The following BRAF variants were observed in gnomAD, a reference collection of about 807,000 sequenced individuals.
BRAF encodes B-Raf proto-oncogene, serine/threonine kinase.
BRAF carries 16 observed loss-of-function variants against 104.6 expected under a neutral mutation model. The observed-to-expected ratio is 0.15, with a 90% confidence interval of 0.10 to 0.23. The LOEUF (loss-of-function observed/expected upper bound fraction) is 0.23, where lower values mean the gene tolerates loss of function less well. BRAF is among the 10% of genes least tolerant of loss of function. The pLI is 1.00. For missense variants in BRAF, 541 were observed against 937.3 expected (o/e 0.58, Z 5.52); for synonymous variants, 310 against 341.6 (o/e 0.91, Z 1.02).
At chr7:140,843,799 A>G (rs901920065) in intron 2 of BRAF, among the ~76,000 whole-genome samples, 3 of 152,020 alleles carry the variant, frequency 2.0e-5, no homozygotes, top group Non-Finnish European at 4.4e-5. Flanking sequence ...AGGTCAGGAG[A>G]TCGAGACCAT....
chr7:140,817,742 C>T (rs1032890796), intron 3 of BRAF, among the ~76,000 whole-genome samples: 1 of 152,158 alleles, frequency 6.6e-6, no homozygotes, highest in Non-Finnish European at 1.5e-5. Context: ...ATTCCACTTT[C>T]AGGTTTGTGA....
chr7:140,729,519 A>T (rs1795815846), intron 19 of BRAF, among the ~76,000 whole-genome samples: 1 of 150,848 alleles, frequency 6.6e-6, no homozygotes. Flanking sequence ...CAGTGGCTCA[A>T]GCCTGTAATC....
At chr7:140,759,294 T>C (rs1253883793) in intron 14 of BRAF, among the ~76,000 whole-genome samples, 1 of 152,236 alleles carries the variant, frequency 6.6e-6, no homozygotes, top group Non-Finnish European at 1.5e-5. Context: ...ATCCCTAAAA[T>C]GGCTGTATCA....
At chr7:140,714,163 C>G in the BRAF span, among the ~76,000 whole-genome samples, 1 of 152,210 alleles carries the variant, frequency 6.6e-6, no homozygotes, top group Non-Finnish European at 1.5e-5. Flanking sequence ...CACCCATCTT[C>G]TGCATCGCTC....
chr7:140,878,708 T>C (rs1812534464), intron 1 of BRAF, among the ~76,000 whole-genome samples: 1 of 152,210 alleles, frequency 6.6e-6, no homozygotes, highest in Admixed American at 6.5e-5. Flanking sequence ...CAGTTAACAA[T>C]TTATCATATA....
chr7:140,860,421 C>A lies in BRAF; in HGVS notation c.139-10209G>T, dbSNP rs373608962. ...CCAGGCCTGGTACAATGGCTCATCC[C>A]TGTAATCCCAGCACCTGTGCAACAT... On this transcript the variant is annotated intron_variant, in intron 1 of 19. Coordinates refer to ENST00000644969, the MANE Select transcript of BRAF (RefSeq NM_001374258.1). Among the ~76,000 whole-genome samples, 6 of 150,348 alleles carry A rather than the reference C, an allele frequency of 4.0e-5. No individual in the cohort carries two copies. In the East Asian group the frequency reaches 7.8e-4, roughly 19 times the overall value.
intron 1 of BRAF, among the ~76,000 whole-genome samples, chr7:140,853,374 A>G (rs1242523969): frequency 3.3e-5 from 5 of 152,078 alleles, no homozygotes; most frequent in Admixed American, 2.6e-4. Context: ...CCATCTCAAA[A>G]ACAAAACTAT....
intron 1 of BRAF, among the ~76,000 whole-genome samples, chr7:140,922,729 T>A (rs563212649): frequency 1.4e-4 from 21 of 152,298 alleles, no homozygotes; most frequent in Non-Finnish European, 2.6e-4. Flanking sequence ...CTAGTATTTA[T>A]CCATTAAAAA....
intron 1 of BRAF, among the ~76,000 whole-genome samples, chr7:140,890,198 T>C (rs1021219249): frequency 6.6e-6 from 1 of 152,202 alleles, no homozygotes; most frequent in Non-Finnish European, 1.5e-5. Context: ...CCTCAGTGAC[T>C]GGCACAAAGT....
chr7:140,827,995 C>G (rs1806260822), intron 3 of BRAF, among the ~76,000 whole-genome samples: 1 of 152,140 alleles, frequency 6.6e-6, no homozygotes, highest in Admixed American at 6.6e-5. Flanking sequence ...CTCCCAGGTT[C>G]AAGCGATTCT....
At chr7:140,768,392 G>A (rs1799530819) in intron 14 of BRAF, among the ~76,000 whole-genome samples, 1 of 152,190 alleles carries the variant, frequency 6.6e-6, no homozygotes, top group African/African-American at 2.4e-5. Context: ...AAACTCATGT[G>A]GAGGCTTGGC....
chr7:140,796,513 T>C (rs1802512547), intron 7 of BRAF, among the ~76,000 whole-genome samples: 1 of 152,040 alleles, frequency 6.6e-6, no homozygotes, highest in Non-Finnish European at 1.5e-5. Context: ...AGATAACAAA[T>C]CAGAGTTAAG....
In BRAF at chr7:140,827,926, T is replaced by C. The variant is rs543324948; in HGVS notation, c.504+6683A>G. ...TTTATTTTTTTTTGAGATGGAGTTT[T>C]GCTCTTGTTGCCCCGGCTGGAGTGC... is the stretch of plus-strand genomic sequence containing the variant. On this transcript the variant is annotated intron_variant, in intron 3 of 19. Coordinates refer to ENST00000644969, the MANE Select transcript of BRAF (RefSeq NM_001374258.1). Among the ~76,000 whole-genome samples the C allele has an allele frequency of 1.1e-4, 16 of 152,330 alleles. No individual in the cohort carries two copies. In the South Asian group the frequency reaches 1.5e-3, roughly 14 times the overall value.
rs1167142554 is a variant in BRAF, at chr7:140,739,932, C to T, written c.2127G>A (p.Val709=). 1 of 1,613,492 alleles carries T rather than the reference C, an allele frequency of 6.2e-7. No homozygotes were observed. The highest frequency in any genetic ancestry group is 2.2e-5 in the East Asian group (1 of 44,866). Residue 709 remains valine, a synonymous_variant, in exon 18 of 20, where the codon GTG becomes GTA. Transcript: ENST00000644969. ...INNRDQIIFM[V]GRGYLSPDLS... ...GATCTGGAGACAGGTATCCTCGTCC[C>T]ACCATAAAAATTATCTGGAGAGAGA...
intron 14 of BRAF, among the ~76,000 whole-genome samples, chr7:140,766,225 A>G (rs952262005): frequency 4.0e-5 from 6 of 151,726 alleles, no homozygotes; most frequent in South Asian, 2.1e-4. Flanking sequence ...TCACTCATAG[A>G]TGGGAATTGA....
At chr7:140,825,661 CA>C (rs745539805) in intron 3 of BRAF, among the ~76,000 whole-genome samples, 2 of 152,140 alleles carry the variant, frequency 1.3e-5, no homozygotes, top group Non-Finnish European at 2.9e-5. Context: ...CTTTATGGTG[CA>C]TTTGCCCAAG....
At chr7:140,717,442 A>AT (rs200802027), downstream of BRAF, among the ~76,000 whole-genome samples, 37 of 150,062 alleles carry the variant, frequency 2.5e-4, no homozygotes, top group East Asian at 5.9e-4. Flanking sequence ...AGCTAATTAA[A>AT]TTTTTTTTTT....
intron 11 of BRAF, among the ~76,000 whole-genome samples, chr7:140,782,028 T>C (rs1158427486): frequency 6.6e-6 from 1 of 152,072 alleles, no homozygotes; most frequent in Admixed American, 6.6e-5. Flanking sequence ...TCATTTACAT[T>C]AGGTATTTCT....
intron 19 of BRAF, chr7:140,734,206 C>A: frequency 9.1e-7 from 1 of 1,102,398 alleles, no homozygotes; most frequent in Non-Finnish European, 1.1e-6. Context: ...CAACTTCTCA[C>A]CTGCAAACAC....
Sources: allele counts gnomAD v4.1 joint callset (sites outside exome capture counted in the v4.1 genomes callset), GRCh38; gene constraint gnomAD v4.1.1; transcripts MANE v1.5; gene names NCBI Gene and HGNC (gene_info 2026-07-23, HGNC 2026-07-21).